The following B3GALT1 variants were observed in gnomAD, a reference collection of about 807,000 sequenced individuals.
B3GALT1 encodes the protein UDP-Gal:betaGlcNAc beta 1,3-galactosyltransferase, polypeptide 1.
B3GALT1 carries 10 observed loss-of-function variants against 23.2 expected under a neutral mutation model. The ratio of observed to expected loss-of-function variants is 0.43; its 90% CI spans 0.27 to 0.73. B3GALT1 has a LOEUF of 0.73. B3GALT1 is among the 30% of genes least tolerant of loss of function. B3GALT1 has a pLI of 0.21. For missense variants in B3GALT1, 299 were observed against 405.4 expected, an observed-to-expected ratio of 0.74 and a Z score of 2.25; for synonymous variants, 156 against 141.5, an observed-to-expected ratio of 1.10 and a Z score of -0.73.
intron 2 of B3GALT1, among the ~76,000 whole-genome samples, chr2:167,622,050 A>T (rs1685269408): frequency 6.6e-6 from 1 of 152,146 alleles, no homozygotes; most frequent in African/African-American, 2.4e-5. Flanking sequence ...ACATAAACAT[A>T]TTATATCATA....
intron 1 of B3GALT1, among the ~76,000 whole-genome samples, chr2:167,489,623 C>G (rs367686449): frequency 1.3e-5 from 2 of 152,172 alleles, no homozygotes; most frequent in East Asian, 3.9e-4. Context: ...CACTTTTTCA[C>G]TGGCTCACGT....
At chr2:167,715,969 C>A (rs1687137002) in intron 3 of B3GALT1, 1 of 1,612,678 alleles carries the variant, frequency 6.2e-7, no homozygotes, top group Non-Finnish European at 8.5e-7. Flanking sequence ...GGATTCGAAT[C>A]TTGTCTCATA....
intron 4 of B3GALT1, among the ~76,000 whole-genome samples, chr2:167,842,725 T>G (rs2105402130): frequency 6.6e-6 from 1 of 152,110 alleles, no homozygotes; most frequent in African/African-American, 2.4e-5. Context: ...AACTATCAAA[T>G]TAGCTGGGTG....
At chr2:167,828,846 G>A (rs1466439627) in intron 4 of B3GALT1, among the ~76,000 whole-genome samples, 1 of 152,162 alleles carries the variant, frequency 6.6e-6, no homozygotes, top group Non-Finnish European at 1.5e-5. Context: ...GGAGTAATAT[G>A]TGTGTGGGAC....
At chr2:167,641,839 G>A (rs1345828529) in intron 2 of B3GALT1, among the ~76,000 whole-genome samples, 1 of 152,058 alleles carries the variant, frequency 6.6e-6, no homozygotes, top group Non-Finnish European at 1.5e-5. Flanking sequence ...AGATTTAAGT[G>A]CCATCTGTGC....
chr2:167,541,849 T>C (rs951072787), intron 2 of B3GALT1, among the ~76,000 whole-genome samples: 2 of 152,010 alleles, frequency 1.3e-5, no homozygotes, highest in Non-Finnish European at 2.9e-5. Flanking sequence ...CATGACCCAT[T>C]CCCATGAAAG....
At chr2:167,634,643 A>C (rs919384816) in intron 2 of B3GALT1, among the ~76,000 whole-genome samples, 1 of 152,128 alleles carries the variant, frequency 6.6e-6, no homozygotes, top group African/African-American at 2.4e-5. Flanking sequence ...TTCCAAGACT[A>C]AACCAGGAAA....
chr2:167,324,336 G>C (rs531220038), intron 1 of B3GALT1, among the ~76,000 whole-genome samples: 136 of 151,750 alleles, frequency 9.0e-4, no homozygotes, highest in African/African-American at 2.8e-3. Context: ...CTGTATCTTT[G>C]AAATTCTCTA....
chr2:167,551,708 A>G (rs1325590118), intron 2 of B3GALT1, among the ~76,000 whole-genome samples: 1 of 152,090 alleles, frequency 6.6e-6, no homozygotes, highest in African/African-American at 2.4e-5. Flanking sequence ...GCCTTTTTCT[A>G]ATTTAACCAC....
At chr2:167,808,033 A>G (rs1418969031) in intron 3 of B3GALT1, among the ~76,000 whole-genome samples, 2 of 152,054 alleles carry the variant, frequency 1.3e-5, no homozygotes, top group Non-Finnish European at 2.9e-5. Flanking sequence ...TTCTTGTTGA[A>G]TTGATCCTTT....
intron 3 of B3GALT1, among the ~76,000 whole-genome samples, chr2:167,815,440 A>G (rs1407533279): frequency 1.3e-5 from 2 of 152,168 alleles, no homozygotes; most frequent in African/African-American, 4.8e-5. Context: ...TCCTTATTTA[A>G]GTCCTTTATC....
At chr2:167,564,418 A>G (rs1684106407) in intron 2 of B3GALT1, among the ~76,000 whole-genome samples, 1 of 144,534 alleles carries the variant, frequency 6.9e-6, no homozygotes, top group Non-Finnish European at 1.5e-5. Context: ...ATCCCAGACG[A>G]TGGGCGGCCA....
rs531340329 is a variant in B3GALT1 at position 167,504,275 on chromosome 2, C to T, written c.-410+13998C>T. 5.3e-5 allele frequency among the ~76,000 whole-genome samples: 8 copies of T among 152,242 alleles called. No individual in the cohort carries two copies. The South Asian group carries it at 1.2e-3, about 24-fold the overall frequency. The stretch of plus-strand genomic sequence containing the variant: ...GTGGTAATCATTTCCTGAGACTGTA[C>T]AGAACATTAAATTGGAATGGATACA... On this transcript the variant is annotated intron_variant, in intron 2 of 4. Transcript: ENST00000392690.
chr2:167,590,349 A>G (rs1298697430), intron 2 of B3GALT1, among the ~76,000 whole-genome samples: 1 of 148,758 alleles, frequency 6.7e-6, no homozygotes, highest in Non-Finnish European at 1.5e-5. Context: ...CTGTCTCAAA[A>G]AAAAAAAAAA....
intron 3 of B3GALT1, chr2:167,716,071 C>T (rs547336433): frequency 1.1e-5 from 18 of 1,571,382 alleles, no homozygotes; most frequent in Non-Finnish European, 1.6e-5. Context: ...TCCATAGCGC[C>T]AAGCTGCTCT....
At chr2:167,643,764 T>G (rs1371460773) in intron 2 of B3GALT1, among the ~76,000 whole-genome samples, 3 of 152,180 alleles carry the variant, frequency 2.0e-5, no homozygotes, top group Non-Finnish European at 4.4e-5. Context: ...GTATAAGGTG[T>G]GGGTAAACTG....
At chr2:167,618,288 T>G (rs1221408252) in intron 2 of B3GALT1, among the ~76,000 whole-genome samples, 1 of 152,054 alleles carries the variant, frequency 6.6e-6, no homozygotes, top group Admixed American at 6.6e-5. Context: ...AACTTTTTAT[T>G]AAATTCAGAT....
intron 1 of B3GALT1, among the ~76,000 whole-genome samples, chr2:167,435,965 A>G (rs370845060): frequency 7.0e-6 from 1 of 142,162 alleles, no homozygotes; most frequent in Non-Finnish European, 1.5e-5. Context: ...ACACACACAC[A>G]CACACACACA....
intron 2 of B3GALT1, among the ~76,000 whole-genome samples, chr2:167,533,547 A>G (rs73026013): frequency 0.034 from 5,125 of 152,180 alleles, 265 homozygotes; most frequent in African/African-American, 0.12. Context: ...TGCTGTATTC[A>G]TTTACTAGTA....
Sources: gnomAD v4.1 joint callset for allele counts (sites outside exome capture counted in the v4.1 genomes callset) on GRCh38, gnomAD v4.1.1 for gene constraint, MANE v1.5 for transcripts, NCBI Gene and HGNC (gene_info 2026-07-23, HGNC 2026-07-21) for gene names.